Variants in GALNTL6 observed in about 807,000 individuals in gnomAD.
GALNTL6 encodes polypeptide N-acetylgalactosaminyltransferase-like 6.
Under a neutral mutation model 73.7 loss-of-function variants are expected in GALNTL6, and 46 were observed. The ratio of observed to expected loss-of-function variants is 0.62; its 90% CI spans 0.49 to 0.80. The LOEUF (loss-of-function observed/expected upper bound fraction) is 0.80. GALNTL6 is among the 30% of genes least tolerant of loss of function. GALNTL6 has a pLI of 0.00. For synonymous variants in GALNTL6, 259 were observed against 263.7 expected (o/e 0.98, Z 0.17); for missense variants, 604 against 755.0 (o/e 0.80, Z 2.34).
intron 2 of GALNTL6, among the ~76,000 whole-genome samples, chr4:171,942,128 C>T (rs575908527): frequency 9.2e-5 from 14 of 152,008 alleles, no homozygotes; most frequent in South Asian, 4.2e-4. Context: ...CGGTGGCTCA[C>T]GCCTGGAATC....
At chr4:173,001,854 CA>C (rs535536333) in intron 10 of GALNTL6, among the ~76,000 whole-genome samples, 14 of 151,960 alleles carry the variant, frequency 9.2e-5, no homozygotes, top group African/African-American at 2.2e-4. Context: ...TTACATAAAC[CA>C]AAAAAACTAC....
At chr4:171,839,628 G>T (rs1438532631) in intron 2 of GALNTL6, among the ~76,000 whole-genome samples, 1 of 151,234 alleles carries the variant, frequency 6.6e-6, no homozygotes, top group African/African-American at 2.4e-5. Flanking sequence ...TAAGTCTACA[G>T]ATTGCTAGAC....
chr4:171,853,508 T>TCTTCTC (rs1553964581), intron 2 of GALNTL6, among the ~76,000 whole-genome samples: 1 of 151,320 alleles, frequency 6.6e-6, no homozygotes, highest in Admixed American at 6.6e-5. Context: ...TTTGTTTTCT[T>TCTTCTC]CTTTTCCTTT....
At chr4:172,369,896 G>A (rs1742727434) in intron 5 of GALNTL6, among the ~76,000 whole-genome samples, 1 of 152,204 alleles carries the variant, frequency 6.6e-6, no homozygotes, top group South Asian at 2.1e-4. Flanking sequence ...TCCGGCCTCG[G>A]CCAACCCAGA....
At chr4:172,568,876 C>T (rs1489344392) in intron 5 of GALNTL6, among the ~76,000 whole-genome samples, 1 of 151,312 alleles carries the variant, frequency 6.6e-6, no homozygotes, top group Non-Finnish European at 1.5e-5. Flanking sequence ...GACACAACTT[C>T]GTAAACTTTC....
intron 3 of GALNTL6, among the ~76,000 whole-genome samples, chr4:172,245,708 G>A (rs989258544): frequency 6.6e-6 from 1 of 152,080 alleles, no homozygotes. Context: ...CCAAGATCTG[G>A]CACAAATTTG....
At chr4:172,160,428 C>A (rs1244855008) in intron 2 of GALNTL6, among the ~76,000 whole-genome samples, 1 of 151,826 alleles carries the variant, frequency 6.6e-6, no homozygotes, top group African/African-American at 2.4e-5. Context: ...AATTTGAATG[C>A]AGCTGTGGAG....
At chr4:172,376,709 G>A (rs1333472848) in intron 5 of GALNTL6, among the ~76,000 whole-genome samples, 1 of 152,132 alleles carries the variant, frequency 6.6e-6, no homozygotes, top group East Asian at 1.9e-4. Context: ...ACCGCTTGGT[G>A]ACAGGCAGTT....
At chr4:172,633,641 T>C (rs910268506) in intron 5 of GALNTL6, among the ~76,000 whole-genome samples, 1 of 152,162 alleles carries the variant, frequency 6.6e-6, no homozygotes, top group Non-Finnish European at 1.5e-5. Flanking sequence ...TGGGGATCTA[T>C]TGGGAAGGCA....
At chr4:172,482,745 A>G (rs919872578) in intron 5 of GALNTL6, among the ~76,000 whole-genome samples, 2 of 152,226 alleles carry the variant, frequency 1.3e-5, no homozygotes, top group Non-Finnish European at 2.9e-5. Context: ...TTATTTGGCA[A>G]TGCCTTCATC....
intron 5 of GALNTL6, among the ~76,000 whole-genome samples, chr4:172,639,065 C>A (rs1739837441): frequency 6.6e-6 from 1 of 152,086 alleles, no homozygotes; most frequent in African/African-American, 2.4e-5. Context: ...TAACTTTGAT[C>A]ATTTGGTCAA....
chr4:172,549,647 A>G (rs1735888137), intron 5 of GALNTL6, among the ~76,000 whole-genome samples: 1 of 152,114 alleles, frequency 6.6e-6, no homozygotes, highest in Admixed American at 6.6e-5. Flanking sequence ...TTGTGTCTTC[A>G]TCTCCAAAAT....
chr4:171,840,850 T>G (rs1193637669), intron 2 of GALNTL6, among the ~76,000 whole-genome samples: 1 of 152,136 alleles, frequency 6.6e-6, no homozygotes, highest in Non-Finnish European at 1.5e-5. Flanking sequence ...CTTTTCCTCC[T>G]GGCCCCATTC....
chr4:171,828,910 CAGGT>C (rs1363356981), intron 2 of GALNTL6, among the ~76,000 whole-genome samples: 11 of 152,160 alleles, frequency 7.2e-5, no homozygotes, highest in African/African-American at 2.7e-4. Flanking sequence ...GCTGGAATTA[CAGGT>C]GTGAACCACC....
chr4:172,050,540 A>G (rs1730825263), intron 2 of GALNTL6, among the ~76,000 whole-genome samples: 1 of 152,210 alleles, frequency 6.6e-6, no homozygotes, highest in Non-Finnish European at 1.5e-5. Context: ...GAAAAAATGT[A>G]GAACAAAGAA....
chr4:172,237,661 C>T (rs980713424), intron 3 of GALNTL6, among the ~76,000 whole-genome samples: 1 of 151,980 alleles, frequency 6.6e-6, no homozygotes, highest in East Asian at 1.9e-4. Flanking sequence ...GAAATATTTG[C>T]CAGAGCTTAA....
chr4:172,164,603 A>T (rs1408361923), intron 2 of GALNTL6, among the ~76,000 whole-genome samples: 3 of 152,124 alleles, frequency 2.0e-5, no homozygotes, highest in South Asian at 2.1e-4. Context: ...CCTTATTACT[A>T]TACTAATAAT....
intron 3 of GALNTL6, among the ~76,000 whole-genome samples, chr4:172,260,629 T>G (rs1464640319): frequency 6.6e-6 from 1 of 151,640 alleles, no homozygotes; most frequent in African/African-American, 2.4e-5. Context: ...GGCTAGGACT[T>G]TCAGTACTAT....
At chr4:172,442,030 T>C (rs1396563755) in intron 5 of GALNTL6, among the ~76,000 whole-genome samples, 1 of 152,166 alleles carries the variant, frequency 6.6e-6, no homozygotes, top group Non-Finnish European at 1.5e-5. Flanking sequence ...AAAATCCATA[T>C]ATAATTAGTT....
Sources: allele counts gnomAD v4.1 joint callset (sites outside exome capture counted in the v4.1 genomes callset), GRCh38; gene constraint gnomAD v4.1.1; transcripts MANE v1.5; gene names NCBI Gene and HGNC (gene_info 2026-07-23, HGNC 2026-07-21).